OR3A2: variants seen among roughly 807,000 people sequenced by gnomAD.
The protein encoded by OR3A2 is olfactory receptor family 3 subfamily A member 2.
For synonymous variants in OR3A2, 126 were observed against 159.3 expected (o/e 0.79, Z 1.57); for missense variants, 318 against 392.8 (o/e 0.81, Z 1.61).
chr17:3,337,109 T>C (rs950712870), intron 2 of OR3A2, among the ~76,000 whole-genome samples: 3 of 152,254 alleles, frequency 2.0e-5, no homozygotes, highest in Non-Finnish European at 4.4e-5. Flanking sequence ...CACTTCCTTA[T>C]ATGAAATTCT....
At chr17:3,349,263 C>T (rs770334015) in intron 2 of OR3A2, among the ~76,000 whole-genome samples, 4 of 152,094 alleles carry the variant, frequency 2.6e-5, no homozygotes, top group South Asian at 2.1e-4. Context: ...CAAGACCCAT[C>T]GGTGTGCTGT....
Position 3,377,945 on chromosome 17 carries a change from TATAACAAGGAGAAATGAAAAC to T in OR3A2, c.-179+5838_-179+5858del, listed in dbSNP as rs1263158162. On this transcript the variant is annotated intron_variant, in intron 2 of 4. Coordinates refer to the OR3A2 transcript ENST00000573491. ...GACCCAGCAGTTCTGTTCCTAGGTA[TATAACAAGGAGAAATGAAAAC>T]ATAACAAGGAGAAATGAAAACATAA... Among the ~76,000 whole-genome samples, 154 of 152,294 alleles carry T rather than the reference TATAACAAGGAGAAATGAAAAC, an allele frequency of 1.0e-3. No individual in the cohort carries two copies. In the Middle Eastern group the frequency reaches 0.01, roughly 10 times the overall value.
intron 3 of OR3A2, among the ~76,000 whole-genome samples, chr17:3,330,186 C>T (rs993042129): frequency 7.3e-5 from 11 of 151,078 alleles, no homozygotes; most frequent in Admixed American, 6.6e-4. Flanking sequence ...AATGTATATT[C>T]TGTTGATTTG....
At chr17:3,356,065 C>T (rs761597568) in intron 2 of OR3A2, among the ~76,000 whole-genome samples, 2 of 151,366 alleles carry the variant, frequency 1.3e-5, no homozygotes, top group African/African-American at 4.9e-5. Context: ...AAACTGATGA[C>T]AGCTTAACAC....
chr17:3,371,578 C>T (rs1392761168), intron 2 of OR3A2, among the ~76,000 whole-genome samples: 2 of 139,216 alleles, frequency 1.4e-5, no homozygotes, highest in East Asian at 2.3e-4. Context: ...GCTGATTCCC[C>T]CACCTCCCTC....
In OR3A2 at chr17:3,323,908, T is replaced by C. The variant is rs550920425; in HGVS notation, c.-85+12125A>G. Among the ~76,000 whole-genome samples, 228 of 152,182 alleles carry C rather than the reference T, an allele frequency of 1.5e-3. 4 individuals are homozygous for C. Among genetic ancestry groups the C allele is most frequent in the African/African-American group, 5.1e-3 (213 of 41,464 alleles). ...TCCTGAATTTGAATGTCGGCCTGCC[T>C]TGCTAGATGGGGGAAGTTCTCCTGG... is the stretch of plus-strand genomic sequence containing the variant. On this transcript the variant is annotated intron_variant, in intron 3 of 4. Transcript: ENST00000573491.
intron 3 of OR3A2, among the ~76,000 whole-genome samples, chr17:3,294,676 A>G (rs2048905557): frequency 6.6e-6 from 1 of 152,224 alleles, no homozygotes; most frequent in Non-Finnish European, 1.5e-5. Context: ...TGGATAGCCT[A>G]GTCAAAAAAC....
At chr17:3,291,801 T>G in intron 3 of OR3A2, 5 of 1,613,710 alleles carry the variant, frequency 3.1e-6, no homozygotes, top group Non-Finnish European at 4.2e-6. Flanking sequence ...TCGCATATAG[T>G]TAAAGATACC....
chr17:3,375,233 TTTTTTTTTTTTTCCC>T, intron 2 of OR3A2, among the ~76,000 whole-genome samples: 1 of 75,046 alleles, frequency 1.3e-5, no homozygotes, highest in African/African-American at 7.0e-5. Flanking sequence ...TTTTTTTCTT[TTTTTTTTTTTTTCCC>T]CCCCTTTTTG....
chr17:3,369,478 C>T (rs1373029179), intron 2 of OR3A2, among the ~76,000 whole-genome samples: 1 of 152,172 alleles, frequency 6.6e-6, no homozygotes, highest in Non-Finnish European at 1.5e-5. Flanking sequence ...GCTTTTTCTG[C>T]ATCTATTGAG....
At chr17:3,331,421 T>C (rs569383540) in intron 3 of OR3A2, among the ~76,000 whole-genome samples, 1 of 151,924 alleles carries the variant, frequency 6.6e-6, no homozygotes, top group African/African-American at 2.4e-5. Context: ...TTTCTTTTTA[T>C]TCTTTTTTCT....
chr17:3,380,011 T>C (rs1386807725), intron 2 of OR3A2, among the ~76,000 whole-genome samples: 1 of 152,130 alleles, frequency 6.6e-6, no homozygotes. Flanking sequence ...ACCATAACTC[T>C]CCACAGAATT....
intron 3 of OR3A2, among the ~76,000 whole-genome samples, chr17:3,319,850 C>T (rs1031515381): frequency 2.0e-5 from 3 of 152,154 alleles, no homozygotes; most frequent in African/African-American, 7.2e-5. Flanking sequence ...GTGCATGTGT[C>T]TTTATAGCAG....
intron 3 of OR3A2, among the ~76,000 whole-genome samples, chr17:3,328,976 T>C (rs1307227409): frequency 5.8e-4 from 88 of 151,388 alleles, no homozygotes; most frequent in Admixed American, 5.6e-3. Context: ...AATCATGTGG[T>C]TTTTGTCTTT....
chr17:3,313,839 G>A (rs2049061394), intron 3 of OR3A2, among the ~76,000 whole-genome samples: 1 of 152,182 alleles, frequency 6.6e-6, no homozygotes, highest in Non-Finnish European at 1.5e-5. Context: ...ACACAACAGA[G>A]TGCTGAGTAG....
intron 3 of OR3A2, among the ~76,000 whole-genome samples, chr17:3,308,795 C>T (rs948255457): frequency 3.9e-5 from 6 of 152,142 alleles, no homozygotes; most frequent in African/African-American, 1.4e-4. Flanking sequence ...TCTGCTCATG[C>T]CTTTTGCCCC....
In OR3A2 at chr17:3,311,191, G is replaced by A. The variant is rs1294495654; in HGVS notation, c.-85+24842C>T. ...CCCATGCTGAACCCACTCATCTACT[G>A]GACATCTCTGCTGGACGTCGGGTGC... On this transcript the variant is annotated intron_variant, in intron 3 of 4. Coordinates refer to the OR3A2 transcript ENST00000573491. This position sits in a 1 kb window ranked among gnomAD's most constrained non-coding sequence, Gnocchi z 4.6. 1.9e-6 allele frequency: 1 copy of A among 537,432 alleles called. No individual in the cohort carries two copies. Among genetic ancestry groups the A allele is most frequent in the South Asian group, 1.4e-5 (1 of 71,624 alleles). The allele number at this position is 537,432 out of a possible 1,614,324, so 33.3% of individuals were successfully genotyped here.
At chr17:3,290,623 A>G (rs2048856771) in intron 3 of OR3A2, among the ~76,000 whole-genome samples, 1 of 152,234 alleles carries the variant, frequency 6.6e-6, no homozygotes, top group South Asian at 2.1e-4. Context: ...GTTGCCAGGA[A>G]TGGGCAATGA....
At chr17:3,322,410 C>T (rs1374622999) in intron 3 of OR3A2, among the ~76,000 whole-genome samples, 1 of 152,114 alleles carries the variant, frequency 6.6e-6, no homozygotes, top group African/African-American at 2.4e-5. Flanking sequence ...TTGCCTTCTA[C>T]TAGCTTTTGA....
Sources: gnomAD v4.1 joint callset for allele counts (sites outside exome capture counted in the v4.1 genomes callset) on GRCh38, gnomAD v4.1.1 for gene constraint, Gnocchi (gnomAD v3.1) non-coding constraint, MANE v1.5 for transcripts, NCBI Gene and HGNC (gene_info 2026-07-23, HGNC 2026-07-21) for gene names.